Variants in MAGI2 observed in about 807,000 individuals in gnomAD.
MAGI2 encodes the protein membrane-associated guanylate kinase, WW and PDZ domain-containing protein 2.
Under a neutral mutation model 133.3 loss-of-function variants are expected in MAGI2, and 35 were observed. That is an observed-to-expected ratio of 0.26 (90% CI 0.20 to 0.35). The LOEUF is 0.35. MAGI2 is among the 10% of genes least tolerant of loss of function. MAGI2 has a pLI of 1.00. For missense variants in MAGI2, 1,636 were observed against 1,863.4 expected (o/e 0.88, Z 2.25); for synonymous variants, 729 against 710.6 (o/e 1.03, Z -0.41).
intron 1 of MAGI2, among the ~76,000 whole-genome samples, chr7:79,247,152 G>A (rs1832885606): frequency 6.6e-6 from 1 of 152,112 alleles, no homozygotes; most frequent in Non-Finnish European, 1.5e-5. Flanking sequence ...TCTAAAAGGA[G>A]TTCTTCAATC....
At chr7:78,238,689 A>G (rs1790812835) in intron 10 of MAGI2, among the ~76,000 whole-genome samples, 1 of 151,984 alleles carries the variant, frequency 6.6e-6, no homozygotes, top group Admixed American at 6.6e-5. Context: ...TCTAGTTTGG[A>G]CTGCAGTGGA....
chr7:78,455,273 A>C (rs2151492996), intron 6 of MAGI2, among the ~76,000 whole-genome samples: 1 of 152,276 alleles, frequency 6.6e-6, no homozygotes, highest in East Asian at 1.9e-4. Flanking sequence ...TTTTTTAGGA[A>C]ACTTGAATTC....
intron 9 of MAGI2, among the ~76,000 whole-genome samples, chr7:78,261,474 C>G (rs1266284481): frequency 6.6e-6 from 1 of 152,088 alleles, no homozygotes; most frequent in African/African-American, 2.4e-5. Context: ...TGAGTTCTAC[C>G]CGTTCCAAGA....
At chr7:78,920,466 C>T (rs1483379143) in intron 2 of MAGI2, among the ~76,000 whole-genome samples, 1 of 152,086 alleles carries the variant, frequency 6.6e-6, no homozygotes, top group Non-Finnish European at 1.5e-5. Context: ...CAGTTGAATA[C>T]TTGTCTTTAC....
At chr7:78,659,936 T>C (rs947184498) in intron 2 of MAGI2, among the ~76,000 whole-genome samples, 2 of 152,176 alleles carry the variant, frequency 1.3e-5, no homozygotes, top group African/African-American at 4.8e-5. Flanking sequence ...TGGAATACTA[T>C]GCAGCCATAA....
At chr7:79,050,266 A>G (rs373483651) in intron 1 of MAGI2, among the ~76,000 whole-genome samples, 1 of 152,138 alleles carries the variant, frequency 6.6e-6, no homozygotes, top group Non-Finnish European at 1.5e-5. Flanking sequence ...TTTAACATCA[A>G]CATAAAGACA....
chr7:79,319,354 A>G lies in MAGI2; in HGVS notation c.301+133666T>C, dbSNP rs1406447095. On this transcript the variant is annotated intron_variant, in intron 1 of 21. Coordinates refer to ENST00000354212, the MANE Select transcript of MAGI2 (RefSeq NM_012301.4). ...ATTTCAGATGCTTGCTTTTCATGCT[A>G]ATTGTCTTTCAATATCCAGTTTTAC... Among the ~76,000 whole-genome samples the G allele has an allele frequency of 4.6e-5, 7 of 152,184 alleles. No individual in the cohort carries two copies. The East Asian group carries it at 1.3e-3, about 29-fold the overall frequency.
At chr7:78,663,953 AT>A (rs1254703297) in intron 2 of MAGI2, among the ~76,000 whole-genome samples, 1 of 152,154 alleles carries the variant, frequency 6.6e-6, no homozygotes, top group African/African-American at 2.4e-5. Flanking sequence ...ACATTGCAAC[AT>A]TTTTTTGACA....
At chr7:79,117,601 G>A (rs1458261883) in intron 1 of MAGI2, among the ~76,000 whole-genome samples, 1 of 152,086 alleles carries the variant, frequency 6.6e-6, no homozygotes, top group African/African-American at 2.4e-5. Context: ...GCTAGAAACA[G>A]CATCTTTCCC....
intron 1 of MAGI2, among the ~76,000 whole-genome samples, chr7:79,450,639 A>C (rs1026433886): frequency 6.6e-6 from 1 of 152,156 alleles, no homozygotes; most frequent in Non-Finnish European, 1.5e-5. Flanking sequence ...TCACTTTAGA[A>C]GCATATATTC....
At chr7:79,128,133 G>A (rs1241338253) in intron 1 of MAGI2, among the ~76,000 whole-genome samples, 1 of 151,882 alleles carries the variant, frequency 6.6e-6, no homozygotes, top group Non-Finnish European at 1.5e-5. Context: ...TATTTCTGAG[G>A]GCTCTGTTCT....
At chr7:78,247,097 A>G (rs923241561) in intron 10 of MAGI2, among the ~76,000 whole-genome samples, 10 of 152,156 alleles carry the variant, frequency 6.6e-5, no homozygotes, top group African/African-American at 2.4e-4. Context: ...CTGCAGCTGC[A>G]TATGCTGCAG....
At chr7:78,461,178 A>G (rs1360993831) in intron 6 of MAGI2, among the ~76,000 whole-genome samples, 1 of 152,074 alleles carries the variant, frequency 6.6e-6, no homozygotes, top group African/African-American at 2.4e-5. Flanking sequence ...TTCAATATAT[A>G]TTTGAGTGCC....
chr7:78,200,818 G>A (rs1411433439), intron 11 of MAGI2, among the ~76,000 whole-genome samples: 4 of 152,120 alleles, frequency 2.6e-5, no homozygotes, highest in Non-Finnish European at 5.9e-5. Context: ...AGTTTGTATT[G>A]TTCCTAAAAA....
At chr7:78,270,923 A>G (rs1036403510) in intron 9 of MAGI2, among the ~76,000 whole-genome samples, 1 of 152,160 alleles carries the variant, frequency 6.6e-6, no homozygotes, top group Non-Finnish European at 1.5e-5. Flanking sequence ...TGATAATTTG[A>G]CTTCCTCTTT....
chr7:78,812,854 A>G (rs916218987), intron 2 of MAGI2, among the ~76,000 whole-genome samples: 3 of 152,216 alleles, frequency 2.0e-5, no homozygotes, highest in African/African-American at 7.2e-5. Flanking sequence ...GGAACAAATC[A>G]TGCTAGAGAA....
chr7:78,761,616 T>C (rs1054819450), intron 2 of MAGI2, among the ~76,000 whole-genome samples: 3 of 151,888 alleles, frequency 2.0e-5, no homozygotes, highest in Non-Finnish European at 2.9e-5. Context: ...CAGGAGCCCA[T>C]CATCATACCT....
intron 21 of MAGI2, among the ~76,000 whole-genome samples, chr7:78,039,275 A>T (rs546351171): frequency 6.6e-6 from 1 of 152,350 alleles, no homozygotes. Context: ...GTGATCTCTC[A>T]CACCTGAATT....
Position 78,729,778 on chromosome 7 carries a change from T to C in MAGI2, c.419-102539A>G, listed in dbSNP as rs1399579609. Among the ~76,000 whole-genome samples, 5 of 152,230 alleles carry C rather than the reference T, an allele frequency of 3.3e-5. No individual in the cohort carries two copies. The East Asian group carries it at 9.6e-4, about 29-fold the overall frequency. On this transcript the variant is annotated intron_variant, in intron 2 of 21. Coordinates refer to ENST00000354212, the MANE Select transcript of MAGI2 (RefSeq NM_012301.4). ...ATTGGTTTGGTAGTCTGACTATAAT[T>C]GGCTTTCTACGTAGATCTTTTATAG...
Sources: gnomAD v4.1 joint callset for allele counts (sites outside exome capture counted in the v4.1 genomes callset) on GRCh38, gnomAD v4.1.1 for gene constraint, MANE v1.5 for transcripts, NCBI Gene and HGNC (gene_info 2026-07-23, HGNC 2026-07-21) for gene names.